Variants in C10orf90 observed in about 807,000 individuals in gnomAD.
The protein encoded by C10orf90 is chromosome 10 open reading frame 90.
Under a neutral mutation model 62.5 loss-of-function variants are expected in C10orf90, and 56 were observed. That is an observed-to-expected ratio of 0.90 (90% CI 0.72 to 1.12). The LOEUF is 1.12. C10orf90 is among the 50% of genes most tolerant of loss of function. The pLI is 0.00. For missense variants in C10orf90, 970 were observed against 880.4 expected (o/e 1.10, Z -1.29); for synonymous variants, 386 against 340.4 (o/e 1.13, Z -1.47).
intron 1 of C10orf90, among the ~76,000 whole-genome samples, chr10:126,660,851 A>G (rs1183797089): frequency 1.3e-5 from 2 of 152,236 alleles, no homozygotes; most frequent in Non-Finnish European, 2.9e-5. Flanking sequence ...TCATAAGTAC[A>G]GCAGCTAGCT....
chr10:126,500,669 T>G (rs757775045), intron 4 of C10orf90, among the ~76,000 whole-genome samples: 14 of 152,156 alleles, frequency 9.2e-5, no homozygotes, highest in Non-Finnish European at 1.8e-4. Context: ...ACTGAGGAGA[T>G]GAGCAAAGAG....
intron 2 of C10orf90, among the ~76,000 whole-genome samples, chr10:126,628,098 G>A (rs1043438403): frequency 8.5e-5 from 13 of 152,296 alleles, no homozygotes; most frequent in African/African-American, 2.6e-4. Flanking sequence ...CATGTAACAC[G>A]TGAAAACACC....
intron 2 of C10orf90, among the ~76,000 whole-genome samples, chr10:126,624,723 T>C (rs1032599185): frequency 2.3e-4 from 35 of 152,160 alleles, no homozygotes; most frequent in Admixed American, 2.1e-3. Context: ...CCCATAGGTG[T>C]CACCTTTTGA....
At position 126,453,932 on chromosome 10, in the gene C10orf90, T is replaced by C. The variant is rs747931978; in HGVS notation, c.2188+5108A>G. Among the ~76,000 whole-genome samples the C allele has an allele frequency of 6.6e-6, 1 of 151,928 alleles. No homozygotes were observed. The highest frequency in any genetic ancestry group is 2.4e-5 in the African/African-American group (1 of 41,360). The stretch of plus-strand genomic sequence containing the variant: ...CAGGAAATGAGACCAACTGGAAAGG[T>C]TGAGAGTGGGCAGAGTCAGGCTGAG... On this transcript the variant is annotated intron_variant, in intron 7 of 9. Transcript: ENST00000488181. The surrounding 1 kb of genome is among the most constrained non-coding windows in gnomAD (Gnocchi z 4.9).
At chr10:126,604,745 T>A (rs1266532729) in intron 2 of C10orf90, among the ~76,000 whole-genome samples, 1 of 152,200 alleles carries the variant, frequency 6.6e-6, no homozygotes, top group Non-Finnish European at 1.5e-5. Flanking sequence ...TAGCTACACT[T>A]CTCTGCAAGT....
chr10:126,498,952 C>G (rs1862232366), intron 4 of C10orf90, among the ~76,000 whole-genome samples: 1 of 152,186 alleles, frequency 6.6e-6, no homozygotes, highest in Non-Finnish European at 1.5e-5. Context: ...TTCATCTCCA[C>G]CTCAGAGTCT....
chr10:126,545,464 T>TAAA (rs11446250), intron 2 of C10orf90, among the ~76,000 whole-genome samples: 1 of 150,204 alleles, frequency 6.7e-6, no homozygotes. Flanking sequence ...GTCACTGATT[T>TAAA]AAAAAAAAAA....
At chr10:126,628,586 C>A (rs1845792825) in intron 2 of C10orf90, among the ~76,000 whole-genome samples, 2 of 152,146 alleles carry the variant, frequency 1.3e-5, no homozygotes, top group South Asian at 4.1e-4. Flanking sequence ...GCTGATCTTG[C>A]TAGAGGTCAG....
At chr10:126,502,727 T>C in intron 4 of C10orf90, 1 of 484,018 alleles carries the variant, frequency 2.1e-6, no homozygotes, top group Non-Finnish European at 4.2e-6. Flanking sequence ...GGAATCATCA[T>C]CAATAAGGAA....
chr10:126,485,312 T>G (rs1324042894), intron 4 of C10orf90, among the ~76,000 whole-genome samples: 1 of 152,180 alleles, frequency 6.6e-6, no homozygotes, highest in Non-Finnish European at 1.5e-5. Flanking sequence ...AATAAATTTG[T>G]GTCGTTTATA....
chr10:126,544,844 G>A (rs1388719133), intron 2 of C10orf90, among the ~76,000 whole-genome samples: 1 of 19,006 alleles, frequency 5.3e-5, no homozygotes, highest in Non-Finnish European at 1.1e-4. Context: ...GCCAAAAGTG[G>A]TGGGGAGGAC....
chr10:126,645,318 A>C (rs1846147605), intron 2 of C10orf90, among the ~76,000 whole-genome samples: 1 of 151,588 alleles, frequency 6.6e-6, no homozygotes, highest in Admixed American at 6.6e-5. Context: ...CAGCAATCCT[A>C]GCACTTTGGG....
intron 2 of C10orf90, among the ~76,000 whole-genome samples, chr10:126,581,102 C>T (rs1314279296): frequency 2.6e-5 from 4 of 152,312 alleles, no homozygotes; most frequent in East Asian, 1.9e-4. Flanking sequence ...GTGGAAATCC[C>T]GGAAACACAC....
At chr10:126,598,151 G>C (rs1410429676) in intron 2 of C10orf90, among the ~76,000 whole-genome samples, 1 of 152,160 alleles carries the variant, frequency 6.6e-6, no homozygotes, top group Non-Finnish European at 1.5e-5. Flanking sequence ...CTGTCCTAGG[G>C]ATCTCAATAG....
At chr10:126,446,532 A>G (rs1422844804) in intron 7 of C10orf90, among the ~76,000 whole-genome samples, 4 of 152,102 alleles carry the variant, frequency 2.6e-5, no homozygotes, top group African/African-American at 9.7e-5. Context: ...TCCTTACCTA[A>G]CAAAGCTGCC....
At chr10:126,640,593 G>T (rs546813489) in intron 2 of C10orf90, among the ~76,000 whole-genome samples, 1 of 152,340 alleles carries the variant, frequency 6.6e-6, no homozygotes, top group East Asian at 1.9e-4. Context: ...TGTGGTTGTG[G>T]TTGTGCAATC....
intron 4 of C10orf90, 117 bp from the exon 5 acceptor site, chr10:126,465,103 A>G (rs1860210563): frequency 9.5e-7 from 1 of 1,056,322 alleles, no homozygotes; most frequent in African/African-American, 1.6e-5. Flanking sequence ...ACAGCACTGC[A>G]AGTTCAGTTA....
intron 2 of C10orf90, among the ~76,000 whole-genome samples, chr10:126,580,237 GTC>G (rs1275878318): frequency 6.6e-6 from 1 of 152,204 alleles, no homozygotes; most frequent in East Asian, 1.9e-4. Flanking sequence ...TGCCCTGGCT[GTC>G]TCTCTTCTGA....
At chr10:126,555,486 C>T (rs1001730015) in intron 2 of C10orf90, among the ~76,000 whole-genome samples, 1 of 148,070 alleles carries the variant, frequency 6.8e-6, no homozygotes, top group African/African-American at 2.5e-5. Context: ...CTAGCCTGGC[C>T]AACATGGTGA....
Sources: allele counts gnomAD v4.1 joint callset (sites outside exome capture counted in the v4.1 genomes callset), GRCh38; gene constraint gnomAD v4.1.1; non-coding constraint Gnocchi (gnomAD v3.1); transcripts MANE v1.5; gene names NCBI Gene and HGNC (gene_info 2026-07-23, HGNC 2026-07-21).